Variants in STARD9 observed in about 807,000 individuals in gnomAD.
The protein encoded by STARD9 is stAR-related lipid transfer protein 9.
A neutral mutation model predicts 399.8 loss-of-function variants in STARD9; 346 were observed. The observed-to-expected ratio is 0.87, with a 90% CI of 0.79 to 0.95. The LOEUF is 0.95. Among genes scored for constraint, STARD9 ranks in the 40% least tolerant of loss-of-function variants. The probability of loss-of-function intolerance (pLI) is 0.00; values close to 1 mark genes in which losing one functional copy is unlikely to be tolerated. For missense variants in STARD9, 5,832 were observed against 5,667.5 expected, an observed-to-expected ratio of 1.03 and a Z score of -0.93; for synonymous variants, 2,203 against 2,143.5, an observed-to-expected ratio of 1.03 and a Z score of -0.77.
chr15:42,600,478 G>A (rs574062508), intron 3 of STARD9, among the ~76,000 whole-genome samples: 12 of 151,946 alleles, frequency 7.9e-5, no homozygotes, highest in African/African-American at 2.9e-4. Context: ...GGGGGTGCTT[G>A]TGCATGTGTG....
chr15:42,578,093 G>A (rs936219191), intron 1 of STARD9, among the ~76,000 whole-genome samples: 1 of 144,550 alleles, frequency 6.9e-6, no homozygotes, highest in Non-Finnish European at 1.5e-5. Flanking sequence ...AGTAGGACTA[G>A]AGTTGACGCT....
In STARD9 at chr15:42,686,463, T is replaced by C. The variant is rs759360477; in HGVS notation, c.4885T>C (p.Leu1629=). ...TEACEVKQNN[L]EECLQSCRKP... ...AGCATGTGAAGTCAAGCAGAACAAC[T>C]TGGAAGAATGCCTTCAGAGTTGCAG... is the stretch of plus-strand genomic sequence containing the variant. Residue 1629 remains leucine, a synonymous_variant, in exon 23 of 33, where the codon TTG becomes CTG. Coordinates refer to ENST00000290607, the MANE Select transcript of STARD9 (RefSeq NM_020759.3). 4 of 1,537,774 alleles carry C rather than the reference T, an allele frequency of 2.6e-6. No individual in the cohort carries two copies. In the South Asian group the frequency reaches 4.8e-5, roughly 18 times the overall value.
chr15:42,680,964 TG>T lies in STARD9; in HGVS notation c.1875-456del, dbSNP rs575288941. Among the ~76,000 whole-genome samples the T allele has an allele frequency of 2.3e-4, 35 of 152,342 alleles. No homozygotes were observed. The East Asian group carries it at 6.7e-3, about 29-fold the overall frequency. On this transcript the variant is annotated intron_variant, in intron 20 of 32. Coordinates refer to ENST00000290607, the MANE Select transcript of STARD9 (RefSeq NM_020759.3). ...CACAGAGGATTTCTGTTTCAGGGAA[TG>T]GAGGTGCAGTAACAATCTCTGAATA...
Position 42,694,730 on chromosome 15 carries a change from T to G in STARD9, c.12962+5T>G. 1.3e-6 allele frequency: 2 copies of G among 1,536,392 alleles called. No individual in the cohort carries two copies. The highest frequency in any genetic ancestry group is 2.4e-5 in the East Asian group (1 of 40,874). On this transcript the variant is annotated splice_donor_5th_base_variant and intron_variant, in intron 24 of 32. Transcript: ENST00000290607. ...GGATGTTGTGGAGACCACCAGGTAGTGTGGACCGAGAACCCTGCTGGGAGC... is the reference window on the plus strand; with the variant it reads ...GGATGTTGTGGAGACCACCAGGTAGGGTGGACCGAGAACCCTGCTGGGAGC...
At chr15:42,649,553 G>A (rs939674727) in intron 7 of STARD9, among the ~76,000 whole-genome samples, 7 of 151,312 alleles carry the variant, frequency 4.6e-5, no homozygotes, top group African/African-American at 1.7e-4. Context: ...AAAATATTAA[G>A]CAGAGTTACT....
At position 42,638,736 on chromosome 15, in the gene STARD9, G is replaced by T. The variant is rs757857611; in HGVS notation, c.483G>T (p.Leu161=). ...TCTATAATGAACGGGTGCGGGATCT[G>T]TTGAAGCAATCTGGTCAAAAAAAGT... is the stretch of plus-strand genomic sequence containing the variant. ...LEIYNERVRD[L]LKQSGQKKSY... is the part of the protein sequence containing the mutation. The change falls in exon 7 of 33, where the codon CTG becomes CTT. Residue 161 remains leucine (L), a synonymous_variant. Transcript: ENST00000290607. The T allele has an allele frequency of 5.2e-6, 8 of 1,536,530 alleles. No homozygotes were observed. The African/African-American group carries it at 6.8e-5, about 13-fold the overall frequency.
chr15:42,698,230 A>C (rs933997021), intron 26 of STARD9, among the ~76,000 whole-genome samples: 1 of 152,208 alleles, frequency 6.6e-6, no homozygotes, highest in Non-Finnish European at 1.5e-5. Context: ...TTTTGTACAT[A>C]GGCAAATATA....
chr15:42,698,869 G>C (rs1030212452), intron 26 of STARD9, among the ~76,000 whole-genome samples: 5 of 151,988 alleles, frequency 3.3e-5, no homozygotes, highest in Non-Finnish European at 2.9e-5. Context: ...TGTAATGCTT[G>C]TTAGACAGTT....
intron 26 of STARD9, among the ~76,000 whole-genome samples, chr15:42,708,531 C>G (rs1595818750): frequency 1.3e-5 from 2 of 152,214 alleles, no homozygotes; most frequent in East Asian, 3.8e-4. Context: ...TTTCATCTCT[C>G]CTGGAGCCCC....
chr15:42,668,866 A>G (rs1299228183), intron 15 of STARD9, among the ~76,000 whole-genome samples: 1 of 152,192 alleles, frequency 6.6e-6, no homozygotes, highest in Non-Finnish European at 1.5e-5. Context: ...TGAAAATAAC[A>G]TGTTTTTTTC....
rs1042575965 is a variant in STARD9 at position 42,664,039 on chromosome 15, G to C, written c.1176+122G>C. ...AACTTTCCAGACTTGTCCTCCAGAT[G>C]ATGAGGGAGTAGAATTCTTTCTTGT... On this transcript the variant is annotated intron_variant, in intron 13 of 32. Transcript: ENST00000290607. 3.6e-4 allele frequency: 233 copies of C among 655,832 alleles called. 1 individual carries two copies. Among genetic ancestry groups the C allele is most frequent in the South Asian group, 3.9e-4 (22 of 56,018 alleles). 40.6% of individuals were successfully genotyped at this position (655,832 alleles called of 1,614,324 possible). A position where few individuals can be genotyped will look rare whatever the true frequency, so the allele number is the denominator to read the frequency against.
rs1284939185 is a variant in STARD9 at position 42,687,371 on chromosome 15, CA to C, written c.5795del (p.Asn1932MetfsTer2). 2 of 1,536,730 alleles carry C rather than the reference CA, an allele frequency of 1.3e-6. No individual in the cohort carries two copies. Among genetic ancestry groups the C allele is most frequent in the East Asian group, 4.9e-5 (2 of 40,920 alleles). On this transcript the variant is annotated frameshift_variant, in exon 23 of 33. Transcript: ENST00000290607. LOFTEE classifies it high-confidence loss of function. ...DQNTVLRQTI[N>X]VSLEKDMPGE... Reference sequence around the variant, plus strand: ...AGAATACGGTTCTGAGGCAGACCATCAATGTAAGCCTTGAGAAAGACATGCC... The same window carrying C: ...AGAATACGGTTCTGAGGCAGACCATCATGTAAGCCTTGAGAAAGACATGCC...
chr15:42,700,719 G>A (rs1566957571), intron 26 of STARD9, among the ~76,000 whole-genome samples: 1 of 152,076 alleles, frequency 6.6e-6, no homozygotes, highest in African/African-American at 2.4e-5. Context: ...CTCCCATTCT[G>A]TGGGGTGTCT....
intron 26 of STARD9, among the ~76,000 whole-genome samples, chr15:42,715,520 ATT>A (rs61683241): frequency 6.3e-5 from 9 of 143,700 alleles, no homozygotes; most frequent in Admixed American, 6.9e-5. Context: ...GTCTTTACAA[ATT>A]TTTTTTTTTT....
chr15:42,691,134 C>T lies in STARD9; in HGVS notation c.9556C>T (p.Arg3186Cys), dbSNP rs771695445. The T allele has an allele frequency of 1.7e-5, 26 of 1,537,078 alleles. No individual in the cohort carries two copies. The Admixed American group carries it at 4.7e-4, about 28-fold the overall frequency. ...TTCCACTGAGTTGAGGGATCACAAT[C>T]GCTTGGATTCCCAAGCCAAGTTTGT... Reference protein sequence around the residue: ...QFSTELRDHNRLDSQAKFVAR... With the variant: ...QFSTELRDHNCLDSQAKFVAR... The change falls in exon 23 of 33, where the codon CGC (arginine) becomes TGC (cysteine). Residue 3186 changes from arginine (R) to cysteine (C), a missense_variant. Physicochemically the swap from Arg to Cys is radical, Grantham distance 180. Transcript: ENST00000290607.
chr15:42,667,940 C>T (rs1404912070), intron 15 of STARD9, among the ~76,000 whole-genome samples: 2 of 152,198 alleles, frequency 1.3e-5, no homozygotes, highest in East Asian at 1.9e-4. Flanking sequence ...TAAAAAATTC[C>T]TCCTTCAGTC....
intron 6 of STARD9, 117 bp downstream of exon 6, chr15:42,638,204 A>C (rs1312306611): frequency 5.5e-6 from 5 of 911,044 alleles, no homozygotes; most frequent in Non-Finnish European, 8.4e-6. Context: ...GAAAAGCCAC[A>C]GAAGAAATAT....
At chr15:42,712,072 A>AT (rs1186221751) in intron 26 of STARD9, among the ~76,000 whole-genome samples, 1 of 2,370 alleles carries the variant, frequency 4.2e-4, no homozygotes, top group Non-Finnish European at 8.1e-4. Flanking sequence ...TTTTATATAT[A>AT]TATATATATT....
At position 42,637,931 on chromosome 15, in the gene STARD9, A is replaced by G; in HGVS notation, c.376A>G (p.Ile126Val). 6.5e-7 allele frequency: 1 copy of G among 1,537,258 alleles called. No homozygotes were observed. The highest frequency in any genetic ancestry group is 8.7e-7 in the Non-Finnish European group (1 of 1,146,916). ...GGCCTCTGTTGGGTTGACACCACGG[A>G]TATGTGAGGTATAGACTATCTTTTG... is the stretch of plus-strand genomic sequence containing the variant. ...TPASVGLTPR[I>V]CEGLFVREKD... The change falls in exon 5 of 33, where the codon ATA becomes GTA. Residue 126 changes from isoleucine (I) to valine (V), a missense_variant. Coordinates refer to ENST00000290607, the MANE Select transcript of STARD9 (RefSeq NM_020759.3).
Sources: gnomAD v4.1 joint callset for allele counts (sites outside exome capture counted in the v4.1 genomes callset) on GRCh38, gnomAD v4.1.1 for gene constraint, MANE v1.5 for transcripts, NCBI Gene and HGNC (gene_info 2026-07-23, HGNC 2026-07-21) for gene names.